SAMD15: variants seen among roughly 807,000 people sequenced by gnomAD.
SAMD15 encodes the protein sterile alpha motif domain-containing protein 15.
In SAMD15, 37 loss-of-function variants were observed where a neutral mutation model predicts 50.5. That is an observed-to-expected ratio of 0.73 (90% CI 0.56 to 0.96). The LOEUF is 0.96. SAMD15 is among the 40% of genes least tolerant of loss of function. SAMD15 has a pLI of 0.00. For synonymous variants in SAMD15, 255 were observed against 282.8 expected (o/e 0.90, Z 0.99); for missense variants, 789 against 783.8 (o/e 1.01, Z -0.08).
chr14:77,391,556 C>T lies in SAMD15; in HGVS notation c.*312C>T, dbSNP rs939517522. 29 of 212,336 alleles carry T rather than the reference C, an allele frequency of 1.4e-4. No homozygotes were observed. Among genetic ancestry groups the T allele is most frequent in the African/African-American group, 6.4e-4 (28 of 43,412 alleles). 13.2% of individuals were successfully genotyped at this position (212,336 alleles called of 1,614,324 possible). On this transcript the variant is annotated 3_prime_UTR_variant, in exon 3 of 3. Transcript: ENST00000216471. ...TGGTCTGAAACTCCTAACAGTTGAT[C>T]TGCCCGCCGTGGCGTCCCAAAGTGC...
intron 2 of SAMD15, among the ~76,000 whole-genome samples, chr14:77,387,163 T>A (rs978295209): frequency 6.6e-6 from 1 of 152,114 alleles, no homozygotes; most frequent in African/African-American, 2.4e-5. Flanking sequence ...CCGGGCACAG[T>A]AGCTCACGCC....
chr14:77,387,391 A>G (rs1247683130), intron 2 of SAMD15, among the ~76,000 whole-genome samples: 1 of 152,136 alleles, frequency 6.6e-6, no homozygotes, highest in Non-Finnish European at 1.5e-5. Context: ...AGCTATGATC[A>G]TGCCACTGCA....
Position 77,391,517 on chromosome 14 carries a change from C to A in SAMD15, c.*273C>A. ...ATTTTTAGTAGATATGATGTTTCAC[C>A]ATGTTGGCCAGGCTGGTCTGAAACT... is the stretch of plus-strand genomic sequence containing the variant. On this transcript the variant is annotated 3_prime_UTR_variant, in exon 3 of 3. Transcript: ENST00000216471. The A allele has an allele frequency of 3.7e-6, 1 of 272,884 alleles. No individual in the cohort carries two copies. The highest frequency in any genetic ancestry group is 6.8e-6 in the Non-Finnish European group (1 of 146,062). The allele number at this position is 272,884 out of a possible 1,614,324, so 16.9% of individuals were successfully genotyped here.
In SAMD15 at chr14:77,377,441, A is replaced by T. The variant is rs538920502; in HGVS notation, c.23A>T (p.Tyr8Phe). The change falls in exon 1 of 3, where the codon TAT becomes TTT. Residue 8 changes from tyrosine (Y) to phenylalanine (F), a missense_variant. Physicochemically the swap from Tyr to Phe is conservative, Grantham distance 22 (BLOSUM62 3). Transcript: ENST00000216471. MAEVPED[Y>F]DSGPDEDGEL... ...CAAATGGCTGAAGTCCCGGAGGATT[A>T]TGATTCCGGCCCAGATGAAGATGGA... The T allele has an allele frequency of 1.2e-6, 2 of 1,611,164 alleles. No individual in the cohort carries two copies. Among genetic ancestry groups the T allele is most frequent in the Non-Finnish European group, 1.7e-6 (2 of 1,178,892 alleles).
At chr14:77,390,975 T>C (rs1279588375) in intron 2 of SAMD15, 33 bp from the exon 3 acceptor site, 1 of 1,281,652 alleles carries the variant, frequency 7.8e-7, no homozygotes, top group East Asian at 2.3e-5. Context: ...GTTTTCAGGT[T>C]AGTCTAATTA....
At chr14:77,382,862 C>T (rs779171441) in intron 2 of SAMD15, among the ~76,000 whole-genome samples, 2 of 151,928 alleles carry the variant, frequency 1.3e-5, no homozygotes, top group South Asian at 4.2e-4. Flanking sequence ...ATTACAGGCA[C>T]GTGCCACCAT....
In SAMD15 at chr14:77,377,821, C is replaced by CT; in HGVS notation, c.404dup (p.Glu136ArgfsTer7). The CT allele has an allele frequency of 6.2e-7, 1 of 1,614,106 alleles. No individual in the cohort carries two copies. The highest frequency in any genetic ancestry group is 8.5e-7 in the Non-Finnish European group (1 of 1,180,012). ...GGATGAAACGCATAAAGAGTCAGAC[C>CT]TAGAGCCACCAGAGGAGGCTAAACC... On this transcript the variant is annotated frameshift_variant, in exon 1 of 3. Transcript: ENST00000216471. LOFTEE classifies it high-confidence loss of function.
chr14:77,389,552 G>T (rs933680863), intron 2 of SAMD15, among the ~76,000 whole-genome samples: 4 of 148,632 alleles, frequency 2.7e-5, no homozygotes, highest in Non-Finnish European at 5.9e-5. Context: ...CTAGGCGGGA[G>T]TAGAGTGGTG....
At chr14:77,389,488 C>T (rs1223063133) in intron 2 of SAMD15, among the ~76,000 whole-genome samples, 1 of 146,366 alleles carries the variant, frequency 6.8e-6, no homozygotes, top group Non-Finnish European at 1.5e-5. Flanking sequence ...TTTGAAAAGG[C>T]AATCACAATT....
intron 1 of SAMD15, among the ~76,000 whole-genome samples, chr14:77,380,118 A>T (rs1893924282): frequency 1.3e-5 from 2 of 152,202 alleles, no homozygotes; most frequent in Admixed American, 6.5e-5. Context: ...TTATTGGGAT[A>T]GAAAGTAAAT....
intron 2 of SAMD15, among the ~76,000 whole-genome samples, chr14:77,381,617 T>A (rs1893943719): frequency 6.6e-6 from 1 of 152,366 alleles, no homozygotes; most frequent in African/African-American, 2.4e-5. Flanking sequence ...CTTCCCTAGA[T>A]GACTCTTCAA....
At position 77,378,009 on chromosome 14, in the gene SAMD15, T is replaced by G; in HGVS notation, c.591T>G (p.Leu197=). The G allele has an allele frequency of 6.2e-7, 1 of 1,613,812 alleles. No homozygotes were observed. Among genetic ancestry groups the G allele is most frequent in the South Asian group, 1.1e-5 (1 of 91,066 alleles). The change falls in exon 1 of 3, where the codon CTT becomes CTG. Residue 197 remains leucine (L), a synonymous_variant. Coordinates refer to ENST00000216471, the MANE Select transcript of SAMD15 (RefSeq NM_001010860.4). ...AACCGGGGGTTCCAGAGGAATCACT[T>G]AGAGTGCAACATGAAGAGACAGGTC... ...ETEPGVPEES[L]RVQHEETGLE...
chr14:77,379,859 T>C (rs1264145607), intron 1 of SAMD15, among the ~76,000 whole-genome samples: 1 of 152,220 alleles, frequency 6.6e-6, no homozygotes, highest in Non-Finnish European at 1.5e-5. Flanking sequence ...AGCACTTAAG[T>C]GTATTAATTC....
At chr14:77,382,552 G>A (rs1303154806) in intron 2 of SAMD15, among the ~76,000 whole-genome samples, 1 of 151,516 alleles carries the variant, frequency 6.6e-6, no homozygotes. Flanking sequence ...GAGCCACCAC[G>A]CCCGACTTAT....
chr14:77,391,062 C>T lies in SAMD15; in HGVS notation c.1843C>T (p.Arg615Cys), dbSNP rs149116567. ...LLEIEEPLFK[R>C]SISLPYRDII... ...GGAAATTGAAGAGCCATTATTCAAA[C>T]GCTCCATCAGCCTTCCCTATAGGGA... is the stretch of plus-strand genomic sequence containing the variant. The change falls in exon 3 of 3, where the codon CGC (arginine) becomes TGC (cysteine). Residue 615 changes from arginine to cysteine, a missense_variant. Physicochemically the swap from Arg to Cys is radical, Grantham distance 180. Coordinates refer to ENST00000216471, the MANE Select transcript of SAMD15 (RefSeq NM_001010860.4). The T allele has an allele frequency of 5.6e-5, 91 of 1,613,970 alleles. No homozygotes were observed. In the African/African-American group the frequency reaches 8.4e-4, roughly 15 times the overall value.
At chr14:77,379,171 A>G in intron 1 of SAMD15, 64 bp downstream of exon 1, 1 of 1,474,168 alleles carries the variant, frequency 6.8e-7, no homozygotes, top group Non-Finnish European at 9.3e-7. Flanking sequence ...ATTCCTTCTA[A>G]CTTGGCCTGA....
Position 77,391,726 on chromosome 14 carries a change from C to T in SAMD15, c.*482C>T, listed in dbSNP as rs755630547. ...TTTGCAATTTAACCCCTTGTTAAAA[C>T]AAAGATAGTCACGCTTATCTTTCTG... On this transcript the variant is annotated 3_prime_UTR_variant, in exon 3 of 3. Coordinates refer to ENST00000216471, the MANE Select transcript of SAMD15 (RefSeq NM_001010860.4). 1.7e-4 allele frequency among the ~76,000 whole-genome samples: 26 copies of T among 152,032 alleles called. No homozygotes were observed. The highest frequency in any genetic ancestry group is 3.7e-4 in the Non-Finnish European group (25 of 68,006).
chr14:77,388,573 G>A (rs1035149685), intron 2 of SAMD15, among the ~76,000 whole-genome samples: 5 of 151,184 alleles, frequency 3.3e-5, no homozygotes, highest in Non-Finnish European at 5.9e-5. Flanking sequence ...GCAACTTCAC[G>A]ACTGGCTTTT....
intron 2 of SAMD15, among the ~76,000 whole-genome samples, chr14:77,382,718 T>A (rs558229238): frequency 1.3e-5 from 2 of 150,430 alleles, no homozygotes; most frequent in South Asian, 2.1e-4. Flanking sequence ...CCTTTATTTA[T>A]TTTATTTATT....
Sources: allele counts gnomAD v4.1 joint callset (sites outside exome capture counted in the v4.1 genomes callset), GRCh38; gene constraint gnomAD v4.1.1; transcripts MANE v1.5; gene names NCBI Gene and HGNC (gene_info 2026-07-23, HGNC 2026-07-21).